The following SGK1 variants were observed in gnomAD, a reference collection of about 807,000 sequenced individuals.
SGK1 encodes serine/threonine-protein kinase Sgk1.
A neutral mutation model predicts 64.2 loss-of-function variants in SGK1; 26 were observed. That is an observed-to-expected ratio of 0.40 (90% CI 0.30 to 0.56). The LOEUF (loss-of-function observed/expected upper bound fraction) is 0.56, where lower values mean the gene tolerates loss of function less well. Among genes scored for constraint, SGK1 ranks in the 20% least tolerant of loss-of-function variants. SGK1 has a pLI of 0.38. For missense variants in SGK1, 519 were observed against 645.6 expected (o/e 0.80, Z 2.12); for synonymous variants, 265 against 239.7 (o/e 1.11, Z -0.98).
intron 1 of SGK1, among the ~76,000 whole-genome samples, chr6:134,265,608 T>TTATATATATACATATATATATATACA (rs1489568264): frequency 2.1e-5 from 3 of 140,866 alleles, no homozygotes; most frequent in East Asian, 2.0e-4. Context: ...CATATATATT[T>TTATATATATACATATATATATATACA]TATATATATA....
intron 2 of SGK1, among the ~76,000 whole-genome samples, chr6:134,221,477 T>G (rs1322593061): frequency 6.6e-6 from 1 of 152,160 alleles, no homozygotes; most frequent in Non-Finnish European, 1.5e-5. Context: ...TCTGCTCAGC[T>G]GGCACCTTCT....
At chr6:134,274,926 C>A (rs1776997951) in intron 1 of SGK1, among the ~76,000 whole-genome samples, 1 of 152,078 alleles carries the variant, frequency 6.6e-6, no homozygotes, top group Admixed American at 6.6e-5. Flanking sequence ...TCACCTCAGC[C>A]TCCAAGTAAC....
intron 2 of SGK1, among the ~76,000 whole-genome samples, chr6:134,243,312 G>A (rs1260819608): frequency 6.6e-6 from 1 of 151,816 alleles, no homozygotes; most frequent in Admixed American, 6.6e-5. Context: ...TATGTCCTTT[G>A]GAAACATTTT....
Position 134,170,394 on chromosome 6 carries a change from G to A in SGK1, c.1455C>T (p.Thr485=), listed in dbSNP as rs780815736. The A allele has an allele frequency of 1.5e-5, 25 of 1,613,796 alleles. No homozygotes were observed. Among genetic ancestry groups the A allele is most frequent in the African/African-American group, 6.7e-5 (5 of 74,890 alleles). Residue 485 remains threonine, a synonymous_variant, in exon 14 of 14, where the codon ACC becomes ACT. Coordinates refer to ENST00000367858, the MANE Select transcript of SGK1 (RefSeq NM_001143676.3). The part of the protein sequence containing the change: ...NDLRHFDPEF[T]EEPVPNSIGK... ...CAATGGAGTTGGGGACAGGCTCTTC[G>A]GTAAACTCGGGGTCAAAGTGCCGTA...
Position 134,287,185 on chromosome 6 carries a change from T to C in SGK1, c.70-25037A>G, listed in dbSNP as rs184930867. 8.7e-4 allele frequency among the ~76,000 whole-genome samples: 132 copies of C among 152,304 alleles called. 1 individual carries two copies. Among genetic ancestry groups the C allele is most frequent in the African/African-American group, 3.1e-3 (129 of 41,564 alleles). ...TGGGGTTTCACCATGTTGGCCAGAC[T>C]GGTCTCAAATTTGTGACCTCAAATG... is the stretch of plus-strand genomic sequence containing the variant. On this transcript the variant is annotated intron_variant, in intron 1 of 13. Transcript: ENST00000367858.
intron 2 of SGK1, among the ~76,000 whole-genome samples, chr6:134,224,537 G>A (rs1040214049): frequency 2.6e-5 from 4 of 152,084 alleles, no homozygotes; most frequent in Admixed American, 2.6e-4. Context: ...GCATTTCCAT[G>A]TGTTTTCTCT....
intron 3 of SGK1, among the ~76,000 whole-genome samples, chr6:134,182,793 A>G (rs952453751): frequency 1.3e-5 from 2 of 152,198 alleles, no homozygotes; most frequent in African/African-American, 2.4e-5. Flanking sequence ...CCCCTCCTCC[A>G]TTCAGTCTCC....
intron 1 of SGK1, among the ~76,000 whole-genome samples, chr6:134,275,142 T>C (rs1474390860): frequency 6.6e-6 from 1 of 152,086 alleles, no homozygotes; most frequent in Non-Finnish European, 1.5e-5. Context: ...AATCTGTGGC[T>C]GGGTGCATTG....
At chr6:134,209,457 C>G (rs1172537007) in intron 2 of SGK1, among the ~76,000 whole-genome samples, 1 of 151,986 alleles carries the variant, frequency 6.6e-6, no homozygotes, top group Non-Finnish European at 1.5e-5. Context: ...AACAAACAAT[C>G]AAATATATTC....
intron 1 of SGK1, among the ~76,000 whole-genome samples, chr6:134,295,608 C>A (rs1188301857): frequency 6.6e-6 from 1 of 151,680 alleles, no homozygotes; most frequent in Non-Finnish European, 1.5e-5. Flanking sequence ...GGGACTGAGG[C>A]AGGAGGATCG....
chr6:134,239,920 G>A (rs865933097), intron 2 of SGK1, among the ~76,000 whole-genome samples: 9 of 152,292 alleles, frequency 5.9e-5, no homozygotes, highest in Middle Eastern at 3.4e-3. Context: ...TAAGAGAAAT[G>A]ATTGAAGGTC....
At chr6:134,229,852 GAAAAGAAAACATCTTTTTTTTTCCTTA>G (rs929208141) in intron 2 of SGK1, among the ~76,000 whole-genome samples, 86 of 152,106 alleles carry the variant, frequency 5.7e-4, no homozygotes, top group Non-Finnish European at 6.8e-4. Flanking sequence ...CAGGTAAAAA[GAAAAGAAAACATCTTTTTTTTTCCTTA>G]AAAAGAAAAC....
rs147562411 is a variant in SGK1, at chr6:134,250,316, G to A, written c.285+11617C>T. On this transcript the variant is annotated intron_variant, in intron 2 of 13. Coordinates refer to ENST00000367858, the MANE Select transcript of SGK1 (RefSeq NM_001143676.3). ...GCTACTCAAGGTCGATAAGAAAAGC[G>A]TGGTTTTCTTACGGAACAGAGCTGA... 3.1e-3 allele frequency among the ~76,000 whole-genome samples: 477 copies of A among 152,262 alleles called. 5 individuals are homozygous for A. Among genetic ancestry groups the A allele is most frequent in the Admixed American group, 7.5e-3 (115 of 15,286 alleles).
chr6:134,199,835 G>C (rs1775654590), intron 3 of SGK1, among the ~76,000 whole-genome samples: 1 of 151,986 alleles, frequency 6.6e-6, no homozygotes, highest in Admixed American at 6.6e-5. Context: ...TGTTAAAAAG[G>C]GACATCAAGT....
rs141028225 is a variant in SGK1 at position 134,174,031 on chromosome 6, G to C, written c.487C>G (p.Leu163Val). The part of the protein sequence containing the change: ...LKISQPQEPE[L>V]MNANPSPPPS... ...GGAGGAGAAGGGTTGGCATTCATAA[G>C]CTCAGGCTCCTGAGGTTGGGAGATC... is the stretch of plus-strand genomic sequence containing the variant. Residue 163 changes from leucine to valine, a missense_variant, in exon 5 of 14, where the codon CTT becomes GTT. Leu to Val is a conservative substitution (Grantham distance 32). Transcript: ENST00000367858. 9 of 1,613,506 alleles carry C rather than the reference G, an allele frequency of 5.6e-6. No individual in the cohort carries two copies. The highest frequency in any genetic ancestry group is 7.6e-6 in the Non-Finnish European group (9 of 1,179,742).
At chr6:134,206,880 A>C (rs937753344) in intron 3 of SGK1, among the ~76,000 whole-genome samples, 5 of 106,662 alleles carry the variant, frequency 4.7e-5, no homozygotes, top group African/African-American at 1.4e-4. Context: ...AAAAAAAAAA[A>C]AAACAAAAAA....
At chr6:134,297,758 C>A (rs186081697) in intron 1 of SGK1, 36 of 497,324 alleles carry the variant, frequency 7.2e-5, no homozygotes, top group African/African-American at 6.2e-4. Flanking sequence ...GCCTCGGCCT[C>A]CCAAAGTGCT....
chr6:134,215,931 G>A lies in SGK1; in HGVS notation c.286-8500C>T, dbSNP rs7757096. ...CTTGGGAGGATGAGGCAGGAGAATC[G>A]CTTGAACCCAGGAGGCGGAGGTTGC... On this transcript the variant is annotated intron_variant, in intron 2 of 13. Transcript: ENST00000367858. Among the ~76,000 whole-genome samples the A allele has an allele frequency of 8.9e-3, 1,357 of 152,204 alleles. 23 individuals are homozygous for A. The highest frequency in any genetic ancestry group is 0.031 in the African/African-American group (1,272 of 41,520).
chr6:134,297,306 A>G, intron 1 of SGK1: 2 of 1,244,912 alleles, frequency 1.6e-6, no homozygotes, highest in Non-Finnish European at 2.3e-6. Context: ...CTCCTGGTAC[A>G]CACGCAGCTA....
Sources: gnomAD v4.1 joint callset for allele counts (sites outside exome capture counted in the v4.1 genomes callset) on GRCh38, gnomAD v4.1.1 for gene constraint, MANE v1.5 for transcripts, NCBI Gene and HGNC (gene_info 2026-07-23, HGNC 2026-07-21) for gene names.